SEL1L3: variants seen among roughly 807,000 people sequenced by gnomAD.
The protein encoded by SEL1L3 is protein sel-1 homolog 3.
Under a neutral mutation model 142.8 loss-of-function variants are expected in SEL1L3, and 76 were observed. That is an observed-to-expected ratio of 0.53 (90% confidence interval 0.44 to 0.64). The LOEUF (loss-of-function observed/expected upper bound fraction) is 0.64. SEL1L3 is among the 30% of genes least tolerant of loss of function. The probability of loss-of-function intolerance (pLI) is 0.00; values close to 1 mark genes in which losing one functional copy is unlikely to be tolerated. For synonymous variants in SEL1L3, 504 were observed against 519.6 expected, an observed-to-expected ratio of 0.97 and a Z score of 0.41; for missense variants, 1,262 against 1,381.7, an observed-to-expected ratio of 0.91 and a Z score of 1.37.
In SEL1L3 at chr4:25,748,237, T is replaced by G; in HGVS notation, c.*188A>C. On this transcript the variant is annotated 3_prime_UTR_variant, in exon 24 of 24. Coordinates refer to ENST00000399878, the MANE Select transcript of SEL1L3 (RefSeq NM_015187.5). ...CTTGTATGTGTTTGATGACCTTTGG[T>G]ATTACCACTGCCTGATCTGGGTACT... 1.7e-6 allele frequency: 1 copy of G among 590,714 alleles called. No individual in the cohort carries two copies. Among genetic ancestry groups the G allele is most frequent in the Non-Finnish European group, 3.0e-6 (1 of 334,318 alleles). The allele number at this position is 590,714 out of a possible 1,614,324, so 36.6% of individuals were successfully genotyped here. A position where few individuals can be genotyped will look rare whatever the true frequency, so the allele number is the denominator to read the frequency against.
the SEL1L3 span, among the ~76,000 whole-genome samples, chr4:25,725,684 T>C: frequency 5.9e-5 from 9 of 152,184 alleles, no homozygotes; most frequent in Non-Finnish European, 1.2e-4. Context: ...ATGAATTTTC[T>C]GTGAAAGGGG....
At position 25,788,183 on chromosome 4, in the gene SEL1L3, T is replaced by A. The variant is rs563735289; in HGVS notation, c.2217+41A>T. ...CACAGGAAACTGCTCAGGAGTCTGA[T>A]AAGAATTGCACAATTTCAGCACGAA... On this transcript the variant is annotated intron_variant, in intron 13 of 23. Coordinates refer to ENST00000399878, the MANE Select transcript of SEL1L3 (RefSeq NM_015187.5). This position sits in a 1 kb window ranked among gnomAD's most constrained non-coding sequence, Gnocchi z 5.3. The A allele has an allele frequency of 6.2e-7, 1 of 1,605,408 alleles. No homozygotes were observed. Among genetic ancestry groups the A allele is most frequent in the South Asian group, 1.1e-5 (1 of 90,738 alleles).
intron 2 of SEL1L3, among the ~76,000 whole-genome samples, chr4:25,846,380 C>G (rs117258493): frequency 6.6e-6 from 1 of 152,184 alleles, no homozygotes; most frequent in African/African-American, 2.4e-5. Context: ...TGATGATGTG[C>G]TGAGCAATCA....
At chr4:25,804,227 T>A (rs2109224073) in intron 10 of SEL1L3, among the ~76,000 whole-genome samples, 1 of 152,252 alleles carries the variant, frequency 6.6e-6, no homozygotes, top group South Asian at 2.1e-4. Context: ...ACAGGCAGAG[T>A]AATTACAAGA....
At chr4:25,828,779 A>C (rs1560337843) in intron 6 of SEL1L3, among the ~76,000 whole-genome samples, 1 of 152,060 alleles carries the variant, frequency 6.6e-6, no homozygotes, top group African/African-American at 2.4e-5. Context: ...AATAATCAGC[A>C]TACAAGAGAA....
chr4:25,733,310 TCA>T, the SEL1L3 span, among the ~76,000 whole-genome samples: 1 of 152,070 alleles, frequency 6.6e-6, no homozygotes, highest in Non-Finnish European at 1.5e-5. Flanking sequence ...AGTAATACTC[TCA>T]GTTTTTAGAA....
At chr4:25,861,536 G>C (rs1717704468) in intron 1 of SEL1L3, among the ~76,000 whole-genome samples, 2 of 152,020 alleles carry the variant, frequency 1.3e-5, no homozygotes, top group South Asian at 4.2e-4. Flanking sequence ...ATTTCTGCCA[G>C]TATCTCCTAA....
the SEL1L3 span, among the ~76,000 whole-genome samples, chr4:25,727,692 C>A: frequency 2.0e-5 from 3 of 152,078 alleles, no homozygotes; most frequent in Admixed American, 6.5e-5. Context: ...ACAATCTCTG[C>A]GCCATGTTGG....
rs375960741 is a variant in SEL1L3 at position 25,846,981 on chromosome 4, C to T, written c.733+313G>A. Among the ~76,000 whole-genome samples the T allele has an allele frequency of 5.3e-5, 8 of 151,464 alleles. No homozygotes were observed. In the South Asian group the frequency reaches 1.7e-3, roughly 32 times the overall value. On this transcript the variant is annotated intron_variant, in intron 2 of 23. Coordinates refer to ENST00000399878, the MANE Select transcript of SEL1L3 (RefSeq NM_015187.5). Reference sequence around the variant, plus strand: ...TTGGAAGGTGAGTGGGAAGATTTTCCCAATCCTTGTTTCGGTGGCATGAAT... The same window carrying T: ...TTGGAAGGTGAGTGGGAAGATTTTCTCAATCCTTGTTTCGGTGGCATGAAT...
At chr4:25,854,100 A>G (rs981911904) in intron 1 of SEL1L3, among the ~76,000 whole-genome samples, 3 of 151,892 alleles carry the variant, frequency 2.0e-5, no homozygotes, top group African/African-American at 7.3e-5. Flanking sequence ...CTTTCTTGGG[A>G]AAAGAAAAAT....
At chr4:25,764,048 G>A (rs1718559467) in intron 20 of SEL1L3, among the ~76,000 whole-genome samples, 1 of 152,124 alleles carries the variant, frequency 6.6e-6, no homozygotes, top group Non-Finnish European at 1.5e-5. Flanking sequence ...AAGGAATAAG[G>A]GAAATTGAGA....
chr4:25,797,547 CAA>C (rs1479620535), intron 11 of SEL1L3, among the ~76,000 whole-genome samples: 2 of 152,110 alleles, frequency 1.3e-5, no homozygotes, highest in Non-Finnish European at 2.9e-5. Context: ...CAAGATTCCC[CAA>C]ATATGGGTGT....
At chr4:25,807,883 CTG>C (rs1419028096) in intron 9 of SEL1L3, among the ~76,000 whole-genome samples, 2 of 152,080 alleles carry the variant, frequency 1.3e-5, no homozygotes, top group African/African-American at 2.4e-5. Context: ...TTTGAAAGGG[CTG>C]TGTTATTTCT....
chr4:25,766,938 T>C (rs1718785631), intron 19 of SEL1L3, among the ~76,000 whole-genome samples: 1 of 152,152 alleles, frequency 6.6e-6, no homozygotes, highest in South Asian at 2.1e-4. Context: ...TCCGCACAAA[T>C]GACTGGCCCA....
At chr4:25,858,891 T>C (rs1170318055) in intron 1 of SEL1L3, among the ~76,000 whole-genome samples, 2 of 152,204 alleles carry the variant, frequency 1.3e-5, no homozygotes, top group African/African-American at 2.4e-5. Flanking sequence ...GCCTCTGTGC[T>C]GTTAATGTCC....
At chr4:25,850,370 A>G (rs1716801873) in intron 1 of SEL1L3, among the ~76,000 whole-genome samples, 1 of 152,238 alleles carries the variant, frequency 6.6e-6, no homozygotes, top group Non-Finnish European at 1.5e-5. Flanking sequence ...AGATAAATGC[A>G]AACTGAAACT....
the SEL1L3 span, among the ~76,000 whole-genome samples, chr4:25,737,071 G>A: frequency 7.4e-4 from 112 of 151,036 alleles, 1 homozygote; most frequent in Admixed American, 1.9e-3. Flanking sequence ...TGCAACCTCC[G>A]CCTCCTGGGT....
intron 16 of SEL1L3, among the ~76,000 whole-genome samples, chr4:25,778,701 T>C (rs1486512663): frequency 6.6e-6 from 1 of 152,094 alleles, no homozygotes; most frequent in Non-Finnish European, 1.5e-5. Context: ...GGGACATCAT[T>C]AGACAATGCC....
chr4:25,723,689 T>A, the SEL1L3 span, among the ~76,000 whole-genome samples: 6 of 152,196 alleles, frequency 3.9e-5, no homozygotes, highest in African/African-American at 1.4e-4. Context: ...ATAATCCTGA[T>A]GTTGCTTAGT....
Sources: gnomAD v4.1 joint callset for allele counts (sites outside exome capture counted in the v4.1 genomes callset) on GRCh38, gnomAD v4.1.1 for gene constraint, Gnocchi (gnomAD v3.1) non-coding constraint, MANE v1.5 for transcripts, NCBI Gene and HGNC (gene_info 2026-07-23, HGNC 2026-07-21) for gene names.